WIPF3: variants seen among roughly 807,000 people sequenced by gnomAD.
The protein encoded by WIPF3 is WAS/WASL interacting protein family member 3, also known as WAS/WASL-interacting protein family member 3.
Under a neutral mutation model 38.9 loss-of-function variants are expected in WIPF3, and 33 were observed. The ratio of observed to expected loss-of-function variants is 0.85; its 90% CI spans 0.64 to 1.14. WIPF3 has a LOEUF of 1.14. WIPF3 is among the 50% of genes most tolerant of loss of function. The probability of loss-of-function intolerance (pLI) is 0.00; values close to 1 mark genes in which losing one functional copy is unlikely to be tolerated. For synonymous variants in WIPF3, 324 were observed against 269.3 expected (o/e 1.20, Z -1.99); for missense variants, 711 against 652.5 (o/e 1.09, Z -0.98).
intron 4 of WIPF3, among the ~76,000 whole-genome samples, chr7:29,881,158 C>A (rs1274803939): frequency 6.6e-6 from 1 of 152,198 alleles, no homozygotes; most frequent in South Asian, 2.1e-4. Flanking sequence ...CTTATTATCC[C>A]ATATAAAGGT....
chr7:29,885,395 C>T (rs1452769288), intron 5 of WIPF3, among the ~76,000 whole-genome samples: 3 of 152,218 alleles, frequency 2.0e-5, no homozygotes, highest in Admixed American at 2.0e-4. Flanking sequence ...CACACATCCA[C>T]ATGCACACCC....
chr7:29,906,406 A>AG (rs1227151336), intron 8 of WIPF3, among the ~76,000 whole-genome samples: 3 of 152,208 alleles, frequency 2.0e-5, no homozygotes, highest in Admixed American at 2.0e-4. Flanking sequence ...AATTTACTAG[A>AG]GGGAATAAAA....
chr7:29,811,852 G>C (rs1043278829), intron 1 of WIPF3, among the ~76,000 whole-genome samples: 11 of 152,200 alleles, frequency 7.2e-5, no homozygotes, highest in African/African-American at 2.7e-4. Context: ...TGTATTCTTA[G>C]CTATGCTTAC....
chr7:29,883,505 G>C (rs560562504), intron 4 of WIPF3, among the ~76,000 whole-genome samples: 57 of 152,324 alleles, frequency 3.7e-4, no homozygotes, highest in African/African-American at 1.3e-3. Context: ...GAATGAGTTC[G>C]TGAGTGTGGC....
In WIPF3 at chr7:29,916,646, G is replaced by A. The variant is rs1258655776; in HGVS notation, c.*2130G>A. The A allele has an allele frequency of 6.6e-6, 1 of 152,116 alleles. No individual in the cohort carries two copies. Among genetic ancestry groups the A allele is most frequent in the African/African-American group, 2.4e-5 (1 of 41,380 alleles). 9.4% of individuals were successfully genotyped at this position (152,116 alleles called of 1,614,324 possible). On this transcript the variant is annotated 3_prime_UTR_variant, in exon 9 of 9. Coordinates refer to ENST00000242140, the MANE Select transcript of WIPF3 (RefSeq NM_001080529.3). ...AAGAATTGCTTGAACCCTGGAGGTG[G>A]AGGTTGCAGTGAGCTGAGATGGCAC...
intron 1 of WIPF3, among the ~76,000 whole-genome samples, chr7:29,808,072 G>C (rs1290095311): frequency 1.3e-5 from 2 of 152,200 alleles, no homozygotes; most frequent in Non-Finnish European, 1.5e-5. Flanking sequence ...AGGCTTCTGG[G>C]ATGCTAGAAA....
At chr7:29,835,655 T>G (rs1784788208) in intron 2 of WIPF3, among the ~76,000 whole-genome samples, 1 of 152,184 alleles carries the variant, frequency 6.6e-6, no homozygotes, top group Non-Finnish European at 1.5e-5. Flanking sequence ...GGCAAACTTT[T>G]CCTCTGAAGA....
intron 1 of WIPF3, among the ~76,000 whole-genome samples, chr7:29,826,191 A>C (rs1338449124): frequency 1.3e-5 from 2 of 151,912 alleles, no homozygotes; most frequent in Non-Finnish European, 2.9e-5. Context: ...CGAGCATAAA[A>C]CTCCCCTGTA....
intron 4 of WIPF3, among the ~76,000 whole-genome samples, chr7:29,882,696 T>A (rs1322271667): frequency 6.6e-6 from 1 of 152,132 alleles, no homozygotes; most frequent in African/African-American, 2.4e-5. Flanking sequence ...CCCCAACAGA[T>A]GCTGGGATTT....
chr7:29,884,387 C>CCCCA lies in WIPF3; in HGVS notation c.893_894insCCCA (p.Tyr299ProfsTer20). The CCCCA allele has an allele frequency of 6.7e-7, 1 of 1,502,236 alleles. No individual in the cohort carries two copies. The highest frequency in any genetic ancestry group is 8.9e-7 in the Non-Finnish European group (1 of 1,121,158). The allele number at this position is 1,502,236 out of a possible 1,614,324, so 93.1% of individuals were successfully genotyped here. On this transcript the variant is annotated frameshift_variant, in exon 5 of 9. Transcript: ENST00000242140. LOFTEE classifies it high-confidence loss of function. ...CCCGCCCCGCCGCCCCCGCTCCCCC[C>CCCCA]TTATGCTTCTTGCTCCCCGAGGGCT...
At chr7:29,911,491 ATAAATC>A (rs1376977755) in intron 8 of WIPF3, among the ~76,000 whole-genome samples, 15 of 152,294 alleles carry the variant, frequency 9.8e-5, no homozygotes, top group Admixed American at 8.5e-4. Flanking sequence ...AAAAAGAAGA[ATAAATC>A]TAGGGGACTC....
At chr7:29,822,145 G>A (rs1182341017) in intron 1 of WIPF3, among the ~76,000 whole-genome samples, 2 of 17,214 alleles carry the variant, frequency 1.2e-4, no homozygotes, top group Non-Finnish European at 2.5e-4. Flanking sequence ...TTTTTTTTTT[G>A]GTATAGATCT....
At chr7:29,868,571 A>C (rs1785433623) in intron 2 of WIPF3, among the ~76,000 whole-genome samples, 1 of 151,848 alleles carries the variant, frequency 6.6e-6, no homozygotes, top group African/African-American at 2.4e-5. Flanking sequence ...ATATATGTAC[A>C]TATATGTGTG....
chr7:29,856,097 G>T (rs1271963494), intron 2 of WIPF3, among the ~76,000 whole-genome samples: 2 of 152,076 alleles, frequency 1.3e-5, no homozygotes, highest in Non-Finnish European at 2.9e-5. Flanking sequence ...CACAGACTTT[G>T]CTAATCTGTC....
At chr7:29,807,506 C>A (rs1165249315) in intron 1 of WIPF3, among the ~76,000 whole-genome samples, 4 of 152,170 alleles carry the variant, frequency 2.6e-5, no homozygotes, top group Admixed American at 2.0e-4. Flanking sequence ...GCCCGGGCCC[C>A]GTGGGCAGGC....
intron 7 of WIPF3, among the ~76,000 whole-genome samples, chr7:29,893,305 TACAAGG>T (rs1398431253): frequency 3.4e-4 from 52 of 152,072 alleles, no homozygotes; most frequent in Admixed American, 3.9e-4. Context: ...GCTAAAGGGC[TACAAGG>T]GGGAGATGCC....
chr7:29,897,544 T>C (rs1444985843), intron 7 of WIPF3, among the ~76,000 whole-genome samples: 6 of 152,226 alleles, frequency 3.9e-5, no homozygotes, highest in Non-Finnish European at 8.8e-5. Context: ...TGAGGTGGTA[T>C]CTCTTTGTGA....
intron 1 of WIPF3, among the ~76,000 whole-genome samples, chr7:29,810,900 T>C (rs1018681771): frequency 6.6e-6 from 1 of 152,210 alleles, no homozygotes; most frequent in Admixed American, 6.5e-5. Flanking sequence ...TTCTGTTTTT[T>C]TGTTTTTTGA....
chr7:29,833,259 G>A (rs1280701766), intron 1 of WIPF3, among the ~76,000 whole-genome samples: 3 of 152,216 alleles, frequency 2.0e-5, no homozygotes, highest in African/African-American at 7.2e-5. Context: ...TGGTTGCACA[G>A]CATTGTGAAT....
Sources: gnomAD v4.1 joint callset for allele counts (sites outside exome capture counted in the v4.1 genomes callset) on GRCh38, gnomAD v4.1.1 for gene constraint, MANE v1.5 for transcripts, NCBI Gene and HGNC (gene_info 2026-07-23, HGNC 2026-07-21) for gene names.